CBARP: variants seen among roughly 807,000 people sequenced by gnomAD.
CBARP encodes the protein voltage-dependent calcium channel beta subunit-associated regulatory protein.
Under a neutral mutation model 36.3 loss-of-function variants are expected in CBARP, and 24 were observed. The ratio of observed to expected loss-of-function variants is 0.66; its 90% CI spans 0.48 to 0.93. The LOEUF (loss-of-function observed/expected upper bound fraction) is 0.93. Ranked by LOEUF, CBARP falls within the 40% of genes least tolerant of loss-of-function variation. CBARP has a pLI of 0.00. For synonymous variants in CBARP, 586 were observed against 453.2 expected, an observed-to-expected ratio of 1.29 and a Z score of -3.72; for missense variants, 1,146 against 980.4, an observed-to-expected ratio of 1.17 and a Z score of -2.26.
At position 1,235,003 on chromosome 19, in the gene CBARP, G is replaced by T; in HGVS notation, c.453C>A (p.Arg151=). Residue 151 remains arginine (R), a splice_region_variant and synonymous_variant, in exon 5 of 10, where the codon CGC becomes CGA. Coordinates refer to ENST00000650044, the MANE Select transcript of CBARP (RefSeq NM_001393918.1). The stretch of plus-strand genomic sequence containing the variant: ...CCTCCCAACGCCGCCCCGCTTACCG[G>T]CGACCCTTGTCCTGCGTCTTGCGGC... The part of the protein sequence containing the change: ...EQSRKTQDKG[R]RYTLTEGDFH... 6.2e-7 allele frequency: 1 copy of T among 1,601,200 alleles called. No individual in the cohort carries two copies.
chr19:1,236,876 G>T (rs1481194330), intron 1 of CBARP, among the ~76,000 whole-genome samples: 1 of 148,202 alleles, frequency 6.7e-6, no homozygotes, highest in Middle Eastern at 3.5e-3. Context: ...GCCTCGGGGG[G>T]GCGGGCGCGA....
intron 9 of CBARP, chr19:1,230,833 C>G (rs1001634165): frequency 6.8e-7 from 1 of 1,477,268 alleles, no homozygotes; most frequent in Non-Finnish European, 8.9e-7. Context: ...ACTCCACCAG[C>G]AAGCAGCAGT....
Position 1,229,924 on chromosome 19 carries a change from T to C in CBARP, c.1373A>G (p.Asn458Ser). ...GCCGCTGCGCACCGAGTCGCGGTCG[T>C]TGCCGCTGCTGCTGTGGTCCGAGGC... The part of the protein sequence containing the change: ...AAASDHSSSG[N>S]DRDSVRSGDS... Residue 458 changes from asparagine (N) to serine (S), a missense_variant, in exon 10 of 10, where the codon AAC becomes AGC. Asn to Ser is a conservative substitution (Grantham distance 46). Transcript: ENST00000650044. The surrounding 1 kb of genome is among the most constrained non-coding windows in gnomAD (Gnocchi z 5.1). 8.7e-7 allele frequency: 1 copy of C among 1,152,664 alleles called. No homozygotes were observed. Among genetic ancestry groups the C allele is most frequent in the Non-Finnish European group, 1.1e-6 (1 of 914,808 alleles). 71.4% of individuals were successfully genotyped at this position (1,152,664 alleles called of 1,614,324 possible). A position where few individuals can be genotyped will look rare whatever the true frequency, so the allele number is the denominator to read the frequency against.
chr19:1,235,278 C>T (rs1356308529), intron 4 of CBARP, 133 bp from the exon 5 acceptor site: 6 of 1,132,652 alleles, frequency 5.3e-6, no homozygotes, highest in Middle Eastern at 3.1e-4. Flanking sequence ...GCTGGCGGGG[C>T]GAGGGACACT....
chr19:1,237,364 G>A (rs1013317910), intron 1 of CBARP, among the ~76,000 whole-genome samples: 1 of 152,156 alleles, frequency 6.6e-6, no homozygotes, highest in South Asian at 2.1e-4. Context: ...CGGAGGCCGG[G>A]GAAGATGGCA....
At position 1,228,368 on chromosome 19, in the gene CBARP, C is replaced by T. The variant is rs1281073963; in HGVS notation, c.*811G>A. 3 of 235,728 alleles carry T rather than the reference C, an allele frequency of 1.3e-5. No individual in the cohort carries two copies. The highest frequency in any genetic ancestry group is 6.1e-5 in the East Asian group (1 of 16,418). 14.6% of individuals were successfully genotyped at this position (235,728 alleles called of 1,614,324 possible). ...GGATGGTGCAGACGCGGCGGGGACTCGGAGGGTGCCGTGCGGGCGAGGCCG... is the reference window on the plus strand; with the variant it reads ...GGATGGTGCAGACGCGGCGGGGACTTGGAGGGTGCCGTGCGGGCGAGGCCG... On this transcript the variant is annotated 3_prime_UTR_variant, in exon 10 of 10. Transcript: ENST00000650044.
Position 1,229,205 on chromosome 19 carries a change from TG to T in CBARP, c.2091del (p.Thr698ArgfsTer130). ...TAGGCCGGGCTGTGGTCGGGGGACG[TG>T]GGGGCGGCGGCGACCAACGCGGGAG... is the stretch of plus-strand genomic sequence containing the variant. ...VATPALVAAA[P>X]TSPDHSPA is the part of the protein sequence containing the mutation. On this transcript the variant is annotated frameshift_variant, in exon 10 of 10. Transcript: ENST00000650044. LOFTEE classifies it high-confidence loss of function. This position sits in a 1 kb window ranked among gnomAD's most constrained non-coding sequence, Gnocchi z 5.1. 7 of 1,198,002 alleles carry T rather than the reference TG, an allele frequency of 5.8e-6. No individual in the cohort carries two copies. Among genetic ancestry groups the T allele is most frequent in the South Asian group, 1.4e-5 (1 of 70,832 alleles). The allele number at this position is 1,198,002 out of a possible 1,614,324, so 74.2% of individuals were successfully genotyped here. A position where few individuals can be genotyped will look rare whatever the true frequency, so the allele number is the denominator to read the frequency against.
intron 3 of CBARP, 34 bp downstream of exon 3, chr19:1,235,745 A>T (rs1243353496): frequency 1.2e-6 from 2 of 1,606,102 alleles, no homozygotes; most frequent in South Asian, 2.2e-5. Context: ...CACAACCACC[A>T]TGCACCTGCC....
chr19:1,236,190 TG>T (rs1432962613), intron 1 of CBARP, 69 bp from the exon 2 acceptor site: 26 of 1,353,780 alleles, frequency 1.9e-5, no homozygotes, highest in East Asian at 6.0e-5. Flanking sequence ...GCAGACAAGC[TG>T]GGTCTTCCCT....
In CBARP at chr19:1,235,509, G is replaced by C. The variant is rs1257060539; in HGVS notation, c.302C>G (p.Pro101Arg). The C allele has an allele frequency of 6.3e-7, 1 of 1,597,432 alleles. No individual in the cohort carries two copies. The highest frequency in any genetic ancestry group is 8.5e-7 in the Non-Finnish European group (1 of 1,173,772). Residue 101 changes from proline (P) to arginine (R), a missense_variant, in exon 4 of 10, where the codon CCA becomes CGA. By Grantham distance (103) the Pro-to-Arg change is moderately radical. Transcript: ENST00000650044. ...GCTGGCCAGCACCTCACCTTGGGCT[G>C]GGTGGGTGCCGTTGTCCAGGTAGGT... is the stretch of plus-strand genomic sequence containing the variant. ...TTTYLDNGTH[P>R]AQDPDFRGED...
intron 8 of CBARP, among the ~76,000 whole-genome samples, chr19:1,233,068 T>C (rs954657867): frequency 2.6e-5 from 4 of 152,326 alleles, no homozygotes; most frequent in Admixed American, 2.0e-4. Flanking sequence ...TGGGAGGGGA[T>C]GCAGGCCACA....
At chr19:1,230,939 G>A (rs1353699229) in intron 9 of CBARP, 162 bp downstream of exon 9, 3 of 1,581,880 alleles carry the variant, frequency 1.9e-6, no homozygotes, top group Non-Finnish European at 2.6e-6. Context: ...TGCTGGAGAG[G>A]TGGCCCCAGT....
chr19:1,229,328 G>T lies in CBARP; in HGVS notation c.1969C>A (p.Leu657Met). 1 of 1,226,188 alleles carries T rather than the reference G, an allele frequency of 8.2e-7. No individual in the cohort carries two copies. The highest frequency in any genetic ancestry group is 1.0e-6 in the Non-Finnish European group (1 of 959,462). The allele number at this position is 1,226,188 out of a possible 1,614,324, so 76.0% of individuals were successfully genotyped here. The change falls in exon 10 of 10, where the codon CTG (leucine) becomes ATG (methionine). Residue 657 changes from leucine to methionine, a missense_variant. By Grantham distance (15) the Leu-to-Met change is conservative. Coordinates refer to ENST00000650044, the MANE Select transcript of CBARP (RefSeq NM_001393918.1). The surrounding 1 kb of genome is among the most constrained non-coding windows in gnomAD (Gnocchi z 5.1). ...PGGGGCPGSG[L>M]CVLPSGSVLD... ...ACCGACCCGGATGGTAGGACGCACA[G>T]GCCCGAGCCGGGGCACCCCCCGCCG...
At chr19:1,231,908 C>T (rs1041598434) in intron 8 of CBARP, among the ~76,000 whole-genome samples, 1 of 152,078 alleles carries the variant, frequency 6.6e-6, no homozygotes, top group Non-Finnish European at 1.5e-5. Flanking sequence ...TGTGGCAGCC[C>T]TGGTCAACAT....
intron 7 of CBARP, among the ~76,000 whole-genome samples, 191 bp downstream of exon 7, chr19:1,234,000 A>G (rs911596785): frequency 6.6e-6 from 1 of 152,122 alleles, no homozygotes; most frequent in African/African-American, 2.4e-5. Flanking sequence ...TGCCCCCTGC[A>G]TGTGTGAGGA....
chr19:1,235,315 C>T, intron 4 of CBARP, 170 bp from the exon 5 acceptor site: 1 of 1,049,678 alleles, frequency 9.5e-7, no homozygotes, highest in Non-Finnish European at 1.3e-6. Context: ...CACTCACTCG[C>T]TCAGCACGCG....
intron 9 of CBARP, chr19:1,230,666 C>T: frequency 7.8e-7 from 1 of 1,280,468 alleles, no homozygotes. Flanking sequence ...GACGTGGGCC[C>T]TGGGCTTCAG....
At chr19:1,233,100 C>T (rs1469742041) in intron 8 of CBARP, among the ~76,000 whole-genome samples, 1 of 152,244 alleles carries the variant, frequency 6.6e-6, no homozygotes, top group Non-Finnish European at 1.5e-5. Context: ...CTGCGCTCCA[C>T]AGTGACCAGG....
rs545836096 is a variant in CBARP at position 1,231,283 on chromosome 19, C to T, written c.980-8G>A. 48 of 1,597,828 alleles carry T rather than the reference C, an allele frequency of 3.0e-5. No individual in the cohort carries two copies. The highest frequency in any genetic ancestry group is 1.7e-4 in the Middle Eastern group (1 of 5,940). On this transcript the variant is annotated splice_region_variant and splice_polypyrimidine_tract_variant and intron_variant, in intron 8 of 9. Transcript: ENST00000650044. ...GGTGCCGCTTGGGGGAACCTGCGCACGGGATGTGCCGTAAGCGTCAGCCGG... is the reference window on the plus strand; with the variant it reads ...GGTGCCGCTTGGGGGAACCTGCGCATGGGATGTGCCGTAAGCGTCAGCCGG...
Sources: allele counts gnomAD v4.1 joint callset (sites outside exome capture counted in the v4.1 genomes callset), GRCh38; gene constraint gnomAD v4.1.1; non-coding constraint Gnocchi (gnomAD v3.1); transcripts MANE v1.5; gene names NCBI Gene and HGNC (gene_info 2026-07-23, HGNC 2026-07-21).